CFAP20DC: variants seen among roughly 807,000 people sequenced by gnomAD.
CFAP20DC encodes CFAP20 domain containing.
In CFAP20DC, 84 loss-of-function variants were observed where a neutral mutation model predicts 101.7. The observed-to-expected ratio is 0.83, with a 90% CI of 0.69 to 0.99. The LOEUF is 0.99. Among genes scored for constraint, CFAP20DC ranks in the 50% least tolerant of loss-of-function variants. CFAP20DC has a pLI of 0.00. For synonymous variants in CFAP20DC, 359 were observed against 351.2 expected, an observed-to-expected ratio of 1.02 and a Z score of -0.25; for missense variants, 1,007 against 970.3, an observed-to-expected ratio of 1.04 and a Z score of -0.50.
chr3:58,843,708 T>C (rs1002000453), intron 13 of CFAP20DC, among the ~76,000 whole-genome samples: 6 of 149,902 alleles, frequency 4.0e-5, no homozygotes, highest in Non-Finnish European at 6.0e-5. Context: ...AGACACATAA[T>C]TGTCAGATTC....
At chr3:59,039,490 G>T in intron 4 of CFAP20DC, 67 bp downstream of exon 4, 1 of 910,466 alleles carries the variant, frequency 1.1e-6, no homozygotes, top group Non-Finnish European at 1.7e-6. Context: ...AATGATTGTT[G>T]GTACTGCTTC....
rs189150652 is a variant in CFAP20DC, at chr3:58,869,968, T to A, written c.852+205A>T. On this transcript the variant is annotated intron_variant, in intron 8 of 16. Transcript: ENST00000482387. The surrounding 1 kb of genome is among the most constrained non-coding windows in gnomAD (Gnocchi z 4.3). ...CTCGAAAATGTTAATTATGTTGATA[T>A]GACAAAAAGGAAACACTTTTGAAGT... Among the ~76,000 whole-genome samples, 1 of 152,348 alleles carries A rather than the reference T, an allele frequency of 6.6e-6. No individual in the cohort carries two copies. Among genetic ancestry groups the A allele is most frequent in the East Asian group, 1.9e-4 (1 of 5,186 alleles).
At chr3:58,887,326 A>C (rs1336693701) in intron 6 of CFAP20DC, 1 of 152,206 alleles carries the variant, frequency 6.6e-6, no homozygotes, top group East Asian at 1.9e-4. Flanking sequence ...GAGATAGAAG[A>C]AGATAATTTC....
At chr3:58,754,150 G>C (rs1168264060) in intron 15 of CFAP20DC, among the ~76,000 whole-genome samples, 1 of 152,156 alleles carries the variant, frequency 6.6e-6, no homozygotes, top group Non-Finnish European at 1.5e-5. Context: ...TTTCACATAA[G>C]AAATTATTTC....
chr3:58,936,232 T>TCA, intron 5 of CFAP20DC, among the ~76,000 whole-genome samples: 1 of 152,142 alleles, frequency 6.6e-6, no homozygotes, highest in Non-Finnish European at 1.5e-5. Flanking sequence ...AGATACCATC[T>TCA]CACACCAGTT....
intron 4 of CFAP20DC, among the ~76,000 whole-genome samples, chr3:58,986,443 C>A (rs1028454756): frequency 6.6e-6 from 1 of 151,892 alleles, no homozygotes; most frequent in Admixed American, 6.6e-5. Context: ...AGAACTGAGC[C>A]TCCTGCAGAA....
intron 15 of CFAP20DC, among the ~76,000 whole-genome samples, chr3:58,760,077 C>T (rs1438872188): frequency 2.0e-5 from 3 of 152,178 alleles, no homozygotes; most frequent in African/African-American, 7.2e-5. Context: ...TGAAGAAAGT[C>T]ATTGGTAGCT....
chr3:58,983,957 T>C (rs1025786525), intron 4 of CFAP20DC, among the ~76,000 whole-genome samples: 1 of 152,212 alleles, frequency 6.6e-6, no homozygotes, highest in Non-Finnish European at 1.5e-5. Context: ...TCTTCACCCT[T>C]GACCCAGAAA....
At chr3:58,723,982 G>A (rs1375332353) in intron 3 of CFAP20DC, among the ~76,000 whole-genome samples, 1 of 152,190 alleles carries the variant, frequency 6.6e-6, no homozygotes, top group Non-Finnish European at 1.5e-5. Flanking sequence ...CCTGTCTCAC[G>A]TGGATAGAGG....
intron 4 of CFAP20DC, among the ~76,000 whole-genome samples, chr3:58,979,746 A>C (rs965786248): frequency 6.6e-6 from 1 of 152,098 alleles, no homozygotes; most frequent in African/African-American, 2.4e-5. Context: ...TTTCTGAACC[A>C]TATTATATTT....
chr3:58,818,552 AC>A (rs1160278314), intron 14 of CFAP20DC, among the ~76,000 whole-genome samples: 1 of 149,910 alleles, frequency 6.7e-6, no homozygotes, highest in Non-Finnish European at 1.5e-5. Flanking sequence ...GAAGGCCATT[AC>A]ATAATGGTAA....
At position 59,038,874 on chromosome 3, in the gene CFAP20DC, T is replaced by C. The variant is rs867536922; in HGVS notation, c.278+683A>G. On this transcript the variant is annotated intron_variant, in intron 4 of 16. Transcript: ENST00000482387. ...AAAATAAAAACCTAAGCTCAGACCTTGGACAGCTATTAATTACAAAGAAGA... is the reference window on the plus strand; with the variant it reads ...AAAATAAAAACCTAAGCTCAGACCTCGGACAGCTATTAATTACAAAGAAGA... Among the ~76,000 whole-genome samples, 8 of 152,134 alleles carry C rather than the reference T, an allele frequency of 5.3e-5. No individual in the cohort carries two copies. In the South Asian group the frequency reaches 1.0e-3, roughly 20 times the overall value.
chr3:58,915,771 T>C (rs577113884), intron 5 of CFAP20DC, among the ~76,000 whole-genome samples: 1 of 152,308 alleles, frequency 6.6e-6, no homozygotes, highest in South Asian at 2.1e-4. Context: ...AAAAGTTTGA[T>C]ACGAAATACA....
intron 14 of CFAP20DC, among the ~76,000 whole-genome samples, chr3:58,813,908 A>G (rs537803293): frequency 6.6e-6 from 1 of 152,070 alleles, no homozygotes; most frequent in South Asian, 2.1e-4. Context: ...GAGAAATAAG[A>G]CTTTCGGCAA....
rs1239128522 is a variant in CFAP20DC, at chr3:59,006,597, T to C, written c.278+32960A>G. Among the ~76,000 whole-genome samples, 1 of 151,968 alleles carries C rather than the reference T, an allele frequency of 6.6e-6. No individual in the cohort carries two copies. Among genetic ancestry groups the C allele is most frequent in the East Asian group, 1.9e-4 (1 of 5,174 alleles). On this transcript the variant is annotated intron_variant, in intron 4 of 16. Transcript: ENST00000482387. The surrounding 1 kb of genome is among the most constrained non-coding windows in gnomAD (Gnocchi z 4.3). ...TAACCTTACCTACAGCTAAAACAGATTTGGGGAGCTGAATGAAATATAAAA... is the reference window on the plus strand; with the variant it reads ...TAACCTTACCTACAGCTAAAACAGACTTGGGGAGCTGAATGAAATATAAAA...
At chr3:58,974,398 G>A (rs1203107138) in intron 4 of CFAP20DC, among the ~76,000 whole-genome samples, 5 of 152,090 alleles carry the variant, frequency 3.3e-5, no homozygotes, top group Non-Finnish European at 7.4e-5. Context: ...TTAGGAAAAT[G>A]GACCCCAGCT....
rs1161735377 is a variant in CFAP20DC, at chr3:58,899,074, C to A, written c.551-14365G>T. 3.3e-5 allele frequency among the ~76,000 whole-genome samples: 5 copies of A among 152,112 alleles called. No homozygotes were observed. The highest frequency in any genetic ancestry group is 7.4e-5 in the Non-Finnish European group (5 of 68,010). On this transcript the variant is annotated intron_variant, in intron 6 of 16. Transcript: ENST00000482387. This position sits in a 1 kb window ranked among gnomAD's most constrained non-coding sequence, Gnocchi z 5.0. ...CTGTTCTTTCCTCTGGAATCTCCAT[C>A]CCAGGGGGGTACTGACCTGTTGCCA... is the stretch of plus-strand genomic sequence containing the variant.
intron 6 of CFAP20DC, among the ~76,000 whole-genome samples, chr3:58,893,715 G>A (rs949936951): frequency 1.3e-5 from 2 of 151,516 alleles, no homozygotes; most frequent in Non-Finnish European, 2.9e-5. Context: ...AATGGTACCA[G>A]CTCTTTTTTT....
chr3:58,852,412 C>T (rs1485653182), intron 12 of CFAP20DC, among the ~76,000 whole-genome samples: 3 of 151,754 alleles, frequency 2.0e-5, no homozygotes, highest in Non-Finnish European at 4.4e-5. Context: ...ACCCCACTGT[C>T]AACATTAGAC....
Sources: gnomAD v4.1 joint callset for allele counts (sites outside exome capture counted in the v4.1 genomes callset) on GRCh38, gnomAD v4.1.1 for gene constraint, Gnocchi (gnomAD v3.1) non-coding constraint, MANE v1.5 for transcripts, NCBI Gene and HGNC (gene_info 2026-07-23, HGNC 2026-07-21) for gene names.